Variants in PKIB observed in about 807,000 individuals in gnomAD.
PKIB encodes PKI-beta.
A neutral mutation model predicts 4.5 loss-of-function variants in PKIB; 2 were observed. The observed-to-expected ratio is 0.44, with a 90% CI of 0.18 to 1.39. The LOEUF (loss-of-function observed/expected upper bound fraction) is 1.39. Among genes scored for constraint, PKIB ranks in the 40% most tolerant of loss-of-function variants. The pLI, the probability that PKIB is intolerant of heterozygous loss-of-function variation, is 0.27. For synonymous variants in PKIB, 38 were observed against 36.0 expected, an observed-to-expected ratio of 1.06 and a Z score of -0.20; for missense variants, 94 against 92.6, an observed-to-expected ratio of 1.02 and a Z score of -0.06.
At position 122,706,490 on chromosome 6, in the gene PKIB, A is replaced by C. The variant is rs187332702; in HGVS notation, c.-8-11297A>C. Among the ~76,000 whole-genome samples, 6 of 152,308 alleles carry C rather than the reference A, an allele frequency of 3.9e-5. No homozygotes were observed. The East Asian group carries it at 9.6e-4, about 24-fold the overall frequency. On this transcript the variant is annotated intron_variant, in intron 3 of 4. Transcript: ENST00000368452. ...AAGATATAGTAGATGCTTAACAATA[A>C]TTGATTGAATGAGGACTGAGTCTGT...
intron 2 of PKIB, chr6:122,644,664 A>G (rs1776242279): frequency 6.6e-6 from 1 of 152,238 alleles, no homozygotes; most frequent in Admixed American, 6.5e-5. Flanking sequence ...TGACCTCATT[A>G]GATCTGATGT....
At chr6:122,593,492 C>T (rs1774076711) in intron 3 of PKIB, among the ~76,000 whole-genome samples, 1 of 152,132 alleles carries the variant, frequency 6.6e-6, no homozygotes, top group Admixed American at 6.6e-5. Flanking sequence ...TGTCCCTCTC[C>T]TTGAGATGTA....
intron 2 of PKIB, among the ~76,000 whole-genome samples, chr6:122,575,092 A>G (rs913950903): frequency 2.6e-5 from 4 of 152,344 alleles, no homozygotes; most frequent in African/African-American, 9.6e-5. Context: ...GGCAAAGGAC[A>G]TGAGTAAACA....
intron 3 of PKIB, among the ~76,000 whole-genome samples, chr6:122,710,998 C>G (rs533110100): frequency 6.6e-6 from 1 of 152,240 alleles, no homozygotes; most frequent in Non-Finnish European, 1.5e-5. Context: ...TCTGAATACT[C>G]TGAAGCTAGA....
rs1779311499 is a variant in PKIB, at chr6:122,712,474, AC to A, written c.-8-5312del. ...AACATGTAGCATAAGGGATTAGGAT[AC>A]TGAGAGCTGGAGAGAGGTAGATAAG... is the stretch of plus-strand genomic sequence containing the variant. On this transcript the variant is annotated intron_variant, in intron 3 of 4. Transcript: ENST00000368452. 3.9e-5 allele frequency among the ~76,000 whole-genome samples: 6 copies of A among 152,222 alleles called. 1 individual carries two copies. The South Asian group carries it at 1.2e-3, about 31-fold the overall frequency.
At chr6:122,640,340 A>G (rs1487268871) in intron 2 of PKIB, among the ~76,000 whole-genome samples, 8 of 152,248 alleles carry the variant, frequency 5.3e-5, no homozygotes, top group African/African-American at 1.9e-4. Context: ...CATATACAAC[A>G]TTAGAAAAGC....
intron 2 of PKIB, among the ~76,000 whole-genome samples, chr6:122,664,000 A>C (rs1777117425): frequency 6.6e-6 from 1 of 152,190 alleles, no homozygotes. Context: ...CACTTCCTTC[A>C]AAAAATTTAT....
chr6:122,633,929 C>CCTATCTAT (rs61254507), intron 2 of PKIB, among the ~76,000 whole-genome samples: 49,726 of 145,768 alleles, frequency 0.34, 8,741 homozygotes, highest in Admixed American at 0.42. Flanking sequence ...AGATATCTGT[C>CCTATCTAT]CTATCTATCT....
At chr6:122,721,935 A>G (rs1407660190) in intron 4 of PKIB, among the ~76,000 whole-genome samples, 2 of 152,138 alleles carry the variant, frequency 1.3e-5, no homozygotes, top group Admixed American at 1.3e-4. Flanking sequence ...AAAAAGTGAG[A>G]TAAGTAACAG....
chr6:122,636,482 GA>G (rs1219482869), intron 2 of PKIB, among the ~76,000 whole-genome samples: 1 of 151,834 alleles, frequency 6.6e-6, no homozygotes, highest in Non-Finnish European at 1.5e-5. Flanking sequence ...AACTATTAAA[GA>G]AATGTACAAG....
chr6:122,498,690 A>C (rs1337371383), intron 2 of PKIB, among the ~76,000 whole-genome samples: 1 of 152,252 alleles, frequency 6.6e-6, no homozygotes, highest in Admixed American at 6.5e-5. Context: ...CTACAAAGCC[A>C]GTAGAAGAAA....
intron 1 of PKIB, among the ~76,000 whole-genome samples, chr6:122,631,192 C>A (rs1010738534): frequency 6.6e-6 from 1 of 152,020 alleles, no homozygotes; most frequent in Non-Finnish European, 1.5e-5. Flanking sequence ...TATTAGTGTC[C>A]AGTAATGTCT....
chr6:122,507,343 C>T (rs573434569), intron 2 of PKIB, among the ~76,000 whole-genome samples: 3 of 152,274 alleles, frequency 2.0e-5, no homozygotes, highest in Admixed American at 6.5e-5. Flanking sequence ...ACATAAACCT[C>T]AACCAGGGGT....
intron 2 of PKIB, among the ~76,000 whole-genome samples, chr6:122,494,772 C>A (rs1776030876): frequency 1.3e-5 from 2 of 152,246 alleles, no homozygotes; most frequent in South Asian, 4.2e-4. Context: ...AGGCAGCCTC[C>A]TACTCAGAAC....
At chr6:122,536,360 A>G (rs555270863) in intron 2 of PKIB, among the ~76,000 whole-genome samples, 1 of 152,244 alleles carries the variant, frequency 6.6e-6, no homozygotes, top group Non-Finnish European at 1.5e-5. Flanking sequence ...ATTATCAAAT[A>G]TAATTGGTAA....
rs139431853 is a variant in PKIB, at chr6:122,669,881, C to T, written c.-75-5197C>T. Reference sequence around the variant, plus strand: ...TTTTATGTCCATATATATTAGTTTCCGACATCAGTTTGGCAGTTATTGCAA... The same window carrying T: ...TTTTATGTCCATATATATTAGTTTCTGACATCAGTTTGGCAGTTATTGCAA... On this transcript the variant is annotated intron_variant, in intron 2 of 4. Coordinates refer to ENST00000368452, the MANE Select transcript of PKIB (RefSeq NM_181795.3). Among the ~76,000 whole-genome samples, 301 of 152,124 alleles carry T rather than the reference C, an allele frequency of 2.0e-3. 1 individual carries two copies. The highest frequency in any genetic ancestry group is 6.7e-3 in the African/African-American group (277 of 41,488).
intron 3 of PKIB, chr6:122,701,285 G>A (rs1778803407): frequency 1.6e-6 from 1 of 613,592 alleles, no homozygotes; most frequent in Non-Finnish European, 2.8e-6. Flanking sequence ...TGTTCCATAG[G>A]TGTACCATTA....
chr6:122,499,733 T>C (rs890131654), intron 2 of PKIB, among the ~76,000 whole-genome samples: 2 of 152,136 alleles, frequency 1.3e-5, no homozygotes, highest in African/African-American at 2.4e-5. Context: ...GAGAATGAAA[T>C]AAAACGCATC....
intron 2 of PKIB, among the ~76,000 whole-genome samples, chr6:122,635,182 A>G (rs1246503151): frequency 6.6e-6 from 1 of 152,184 alleles, no homozygotes; most frequent in African/African-American, 2.4e-5. Flanking sequence ...GTGATTTATA[A>G]GCATAATCTT....
Sources: allele counts gnomAD v4.1 joint callset (sites outside exome capture counted in the v4.1 genomes callset), GRCh38; gene constraint gnomAD v4.1.1; transcripts MANE v1.5; gene names NCBI Gene and HGNC (gene_info 2026-07-23, HGNC 2026-07-21).